ROBO2: variants seen among roughly 807,000 people sequenced by gnomAD.
ROBO2 encodes the protein roundabout guidance receptor 2.
ROBO2 carries 53 observed loss-of-function variants against 160.8 expected under a neutral mutation model. The observed-to-expected ratio is 0.33, with a 90% confidence interval of 0.26 to 0.41. The LOEUF is 0.41. Among genes scored for constraint, ROBO2 ranks in the 10% least tolerant of loss-of-function variants. The pLI is 1.00. For synonymous variants in ROBO2, 664 were observed against 611.7 expected (o/e 1.09, Z -1.26); for missense variants, 1,577 against 1,722.4 (o/e 0.92, Z 1.49).
intron 2 of ROBO2, among the ~76,000 whole-genome samples, chr3:76,376,373 C>T (rs1188040945): frequency 6.6e-6 from 1 of 152,028 alleles, no homozygotes; most frequent in African/African-American, 2.4e-5. Context: ...TATAGAGAAC[C>T]ACACAGTCAA....
intron 2 of ROBO2, among the ~76,000 whole-genome samples, chr3:76,203,770 G>A (rs1437261661): frequency 7.4e-6 from 1 of 135,370 alleles, no homozygotes; most frequent in African/African-American, 2.7e-5. Context: ...TCTCAGGCTA[G>A]CGGCTTCCCG....
chr3:76,227,691 A>G (rs945217650), intron 2 of ROBO2, among the ~76,000 whole-genome samples: 19 of 152,194 alleles, frequency 1.2e-4, no homozygotes, highest in African/African-American at 4.3e-4. Context: ...CTACTTGGCT[A>G]TCTAAGGTGT....
intron 2 of ROBO2, among the ~76,000 whole-genome samples, chr3:77,012,829 T>G (rs1221247900): frequency 1.3e-5 from 2 of 152,242 alleles, no homozygotes; most frequent in African/African-American, 4.8e-5. Flanking sequence ...GATCAACTGT[T>G]GTGAATTACC....
chr3:76,256,830 T>G (rs1706423588), intron 2 of ROBO2, among the ~76,000 whole-genome samples: 1 of 152,130 alleles, frequency 6.6e-6, no homozygotes, highest in Admixed American at 6.6e-5. Context: ...CCCTGACATC[T>G]GCTCAGCTTC....
intron 2 of ROBO2, among the ~76,000 whole-genome samples, chr3:76,646,250 G>A (rs185593611): frequency 5.9e-5 from 9 of 152,300 alleles, no homozygotes. Flanking sequence ...AGGAGGCTAA[G>A]TGGAAAGGAT....
chr3:77,067,501 T>C (rs942126525), intron 1 of ROBO2, among the ~76,000 whole-genome samples: 3 of 152,214 alleles, frequency 2.0e-5, no homozygotes, highest in Non-Finnish European at 2.9e-5. Flanking sequence ...GTCTCTAAAA[T>C]AAGCTGCGCT....
intron 2 of ROBO2, among the ~76,000 whole-genome samples, chr3:77,252,190 G>A (rs1167535712): frequency 6.6e-6 from 1 of 152,030 alleles, no homozygotes; most frequent in Admixed American, 6.6e-5. Context: ...TCAAATTTTT[G>A]CAACTGTATA....
intron 2 of ROBO2, among the ~76,000 whole-genome samples, chr3:77,283,361 G>A (rs765826866): frequency 7.2e-5 from 11 of 152,146 alleles, no homozygotes; most frequent in African/African-American, 2.7e-4. Context: ...GGAGCAGATG[G>A]ATTGCTGAAT....
At chr3:76,972,429 T>G (rs1237063545) in intron 2 of ROBO2, among the ~76,000 whole-genome samples, 3 of 152,170 alleles carry the variant, frequency 2.0e-5, no homozygotes, top group Non-Finnish European at 4.4e-5. Flanking sequence ...TTTTTTTGAA[T>G]GCAGAGAAAG....
At position 76,193,572 on chromosome 3, in the gene ROBO2, A is replaced by G. The variant is rs186655530; in HGVS notation, c.109+255970A>G. Among the ~76,000 whole-genome samples the G allele has an allele frequency of 2.0e-5, 3 of 152,324 alleles. No individual in the cohort carries two copies. The East Asian group carries it at 5.8e-4, about 29-fold the overall frequency. On this transcript the variant is annotated intron_variant, in intron 2 of 26. Coordinates refer to the ROBO2 transcript ENST00000487694. ...ACTCCTTTCCCTTTCACTTCCTCCA[A>G]TTGATTATCTATGTTGCAAGTAGAA...
At chr3:76,834,039 C>CTTT (rs1559574511) in intron 2 of ROBO2, among the ~76,000 whole-genome samples, 1 of 17,068 alleles carries the variant, frequency 5.9e-5, no homozygotes. Flanking sequence ...TTCTTTCTTT[C>CTTT]CTTTCTTTCT....
At position 76,919,761 on chromosome 3, in the gene ROBO2, A is replaced by T. The variant is rs539767860; in HGVS notation, c.110-178253A>T. On this transcript the variant is annotated intron_variant, in intron 2 of 26. Transcript: ENST00000487694. ...TTAAGCCTGTGACTACTTGCTTTGCAATCTTGAATCACTGATCAAAACCAG... is the reference window on the plus strand; with the variant it reads ...TTAAGCCTGTGACTACTTGCTTTGCTATCTTGAATCACTGATCAAAACCAG... 1.1e-4 allele frequency among the ~76,000 whole-genome samples: 16 copies of T among 152,296 alleles called. No individual in the cohort carries two copies. The South Asian group carries it at 3.3e-3, about 32-fold the overall frequency.
chr3:76,858,111 A>G (rs2070335067), intron 2 of ROBO2, among the ~76,000 whole-genome samples: 1 of 151,354 alleles, frequency 6.6e-6, no homozygotes. Context: ...ACTCGCTAGT[A>G]CACTCCCAGC....
chr3:75,990,250 C>T (rs144705531), intron 2 of ROBO2, among the ~76,000 whole-genome samples: 2 of 152,060 alleles, frequency 1.3e-5, no homozygotes, highest in African/African-American at 4.8e-5. Flanking sequence ...TTGGTTTATC[C>T]CTTGATCACA....
intron 2 of ROBO2, among the ~76,000 whole-genome samples, chr3:76,171,083 C>A (rs186445338): frequency 5.9e-5 from 9 of 152,206 alleles, no homozygotes; most frequent in African/African-American, 2.2e-4. Context: ...TTAATTCATG[C>A]CATAGTCTGA....
At chr3:76,626,985 C>T (rs1349056193) in intron 2 of ROBO2, among the ~76,000 whole-genome samples, 3 of 152,192 alleles carry the variant, frequency 2.0e-5, no homozygotes, top group African/African-American at 7.2e-5. Context: ...CCACCATGCC[C>T]AGCCCTGTCA....
intron 2 of ROBO2, among the ~76,000 whole-genome samples, chr3:76,024,397 C>T (rs980888081): frequency 1.3e-5 from 2 of 150,590 alleles, no homozygotes; most frequent in Middle Eastern, 3.4e-3. Context: ...AACCTTGAGT[C>T]GAGTTTTCTT....
At chr3:77,359,517 G>C (rs1046834840) in intron 2 of ROBO2, among the ~76,000 whole-genome samples, 2 of 152,174 alleles carry the variant, frequency 1.3e-5, no homozygotes, top group African/African-American at 4.8e-5. Flanking sequence ...TCATCATTGT[G>C]TAGTGAGCCT....
At chr3:76,350,594 A>G (rs1023620042) in intron 2 of ROBO2, among the ~76,000 whole-genome samples, 1 of 152,060 alleles carries the variant, frequency 6.6e-6, no homozygotes, top group African/African-American at 2.4e-5. Context: ...TAAAAATATG[A>G]TATTTAATAT....
Sources: allele counts gnomAD v4.1 joint callset (sites outside exome capture counted in the v4.1 genomes callset), GRCh38; gene constraint gnomAD v4.1.1; transcripts MANE v1.5; gene names NCBI Gene and HGNC (gene_info 2026-07-23, HGNC 2026-07-21).